ESR1: variants seen among roughly 807,000 people sequenced by gnomAD.
The protein encoded by ESR1 is estrogen receptor.
In ESR1, 12 loss-of-function variants were observed where a neutral mutation model predicts 52.7. That is an observed-to-expected ratio of 0.23 (90% CI 0.15 to 0.37). The LOEUF (loss-of-function observed/expected upper bound fraction) is 0.37, where lower values mean the gene tolerates loss of function less well. ESR1 is among the 10% of genes least tolerant of loss of function. The pLI, the probability that ESR1 is intolerant of heterozygous loss-of-function variation, is 1.00. For synonymous variants in ESR1, 305 were observed against 316.8 expected (o/e 0.96, Z 0.39); for missense variants, 584 against 779.7 (o/e 0.75, Z 2.99).
At position 152,019,521 on chromosome 6, in the gene ESR1, T is replaced by C. The variant is rs559892325; in HGVS notation, c.1235+7727T>C. Among the ~76,000 whole-genome samples the C allele has an allele frequency of 9.7e-4, 147 of 152,192 alleles. 1 individual carries two copies. The highest frequency in any genetic ancestry group is 2.3e-3 in the Admixed American group (35 of 15,274). Reference sequence around the variant, plus strand: ...AAGGATCCACTCAATGTAAAGTTACTCCAGAGGGAAAGGCGTGAGCCCAAC... The same window carrying C: ...AAGGATCCACTCAATGTAAAGTTACCCCAGAGGGAAAGGCGTGAGCCCAAC... On this transcript the variant is annotated intron_variant, in intron 5 of 7. Coordinates refer to ENST00000206249, the MANE Select transcript of ESR1 (RefSeq NM_000125.4).
At chr6:151,800,034 T>G (rs1449091968), upstream of ESR1, among the ~76,000 whole-genome samples, 1 of 152,144 alleles carries the variant, frequency 6.6e-6, no homozygotes, top group East Asian at 1.9e-4. Context: ...AGCTAGTACA[T>G]AGGAGGAGCT....
At chr6:152,029,268 G>A (rs2044451467) in intron 5 of ESR1, among the ~76,000 whole-genome samples, 1 of 152,230 alleles carries the variant, frequency 6.6e-6, no homozygotes, top group African/African-American at 2.4e-5. Context: ...CTCCTCACCA[G>A]CAACGGAACA....
At chr6:151,715,333 A>G (rs1370138244) in intron 2 of ESR1, among the ~76,000 whole-genome samples, 1 of 151,998 alleles carries the variant, frequency 6.6e-6, no homozygotes, top group Non-Finnish European at 1.5e-5. Context: ...GCTCTTCTCG[A>G]GAGTATCTTT....
At chr6:152,093,787 C>G (rs1050440337) in intron 6 of ESR1, among the ~76,000 whole-genome samples, 1 of 152,202 alleles carries the variant, frequency 6.6e-6, no homozygotes, top group Non-Finnish European at 1.5e-5. Context: ...AAACAGAAAT[C>G]CTACCTGGAA....
chr6:151,694,050 C>T (rs1421065240), intron 1 of ESR1, among the ~76,000 whole-genome samples: 2 of 152,196 alleles, frequency 1.3e-5, no homozygotes, highest in Non-Finnish European at 1.5e-5. Context: ...GCAGCTCTTA[C>T]TTTGTGCGAT....
intron 2 of ESR1, among the ~76,000 whole-genome samples, chr6:151,709,523 G>T (rs1204451687): frequency 1.3e-5 from 2 of 152,060 alleles, no homozygotes; most frequent in Non-Finnish European, 2.9e-5. Context: ...TGAGTCATTC[G>T]GTAATTGTAT....
intron 3 of ESR1, among the ~76,000 whole-genome samples, chr6:151,938,889 G>C (rs943585057): frequency 1.3e-5 from 2 of 152,196 alleles, no homozygotes; most frequent in Non-Finnish European, 2.9e-5. Context: ...CAGGATGAAA[G>C]AGAGCTTGGT....
chr6:151,676,690 C>T (rs1380488550), intron 1 of ESR1, among the ~76,000 whole-genome samples: 1 of 152,132 alleles, frequency 6.6e-6, no homozygotes, highest in Non-Finnish European at 1.5e-5. Context: ...CATTTAGCAC[C>T]CCTCATGGGA....
At chr6:152,036,228 C>T (rs1176864492) in intron 5 of ESR1, among the ~76,000 whole-genome samples, 5 of 152,036 alleles carry the variant, frequency 3.3e-5, no homozygotes, top group African/African-American at 4.8e-5. Context: ...GGCGTGGTGG[C>T]GGGTGCCTGT....
chr6:151,813,572 T>C (rs1200592564), intron 1 of ESR1: 1 of 149,042 alleles, frequency 6.7e-6, no homozygotes, highest in African/African-American at 2.6e-5. Flanking sequence ...ATATTACCAA[T>C]AATATTAGAA....
At chr6:152,113,914 G>A (rs987614507) in intron 6 of ESR1, among the ~76,000 whole-genome samples, 6 of 152,230 alleles carry the variant, frequency 3.9e-5, no homozygotes, top group African/African-American at 1.4e-4. Flanking sequence ...GGAAGTGGCT[G>A]AGCTGGGGAC....
chr6:151,985,759 C>T (rs13198061), intron 4 of ESR1, among the ~76,000 whole-genome samples: 21,700 of 151,950 alleles, frequency 0.14, 1,633 homozygotes, highest in African/African-American at 0.17. Flanking sequence ...CCTCCGCCTC[C>T]TGCGTTCAAG....
intron 4 of ESR1, among the ~76,000 whole-genome samples, chr6:151,945,558 ATTCG>A (rs1289878686): frequency 6.6e-6 from 1 of 152,168 alleles, no homozygotes; most frequent in East Asian, 1.9e-4. Flanking sequence ...GCCCCAGTGT[ATTCG>A]TTCAGGAGCT....
rs1183457950 is a variant in ESR1 at position 151,835,385 on chromosome 6, A to G, written c.453-7212A>G. On this transcript the variant is annotated intron_variant, in intron 1 of 7. Transcript: ENST00000206249. ...CACAAAGAGCAAATATCATCTGAGAATGGCAGAGGGCTGAGGGCAGAGCCC... is the reference window on the plus strand; with the variant it reads ...CACAAAGAGCAAATATCATCTGAGAGTGGCAGAGGGCTGAGGGCAGAGCCC... Among the ~76,000 whole-genome samples, 3 of 152,256 alleles carry G rather than the reference A, an allele frequency of 2.0e-5. 1 individual carries two copies. In the East Asian group the frequency reaches 5.8e-4, roughly 29 times the overall value.
intron 2 of ESR1, among the ~76,000 whole-genome samples, chr6:151,771,324 C>T (rs546468488): frequency 1.2e-4 from 19 of 152,146 alleles, no homozygotes; most frequent in Non-Finnish European, 1.9e-4. Context: ...AAATTGGGCA[C>T]TTGGAGGCAA....
intron 2 of ESR1, among the ~76,000 whole-genome samples, chr6:151,717,842 GC>G (rs1407215456): frequency 2.6e-5 from 4 of 152,158 alleles, no homozygotes; most frequent in Non-Finnish European, 5.9e-5. Context: ...GAATAATTGT[GC>G]TTTGAAAAGT....
At chr6:151,930,126 G>A (rs1396352236) in intron 3 of ESR1, among the ~76,000 whole-genome samples, 1 of 148,174 alleles carries the variant, frequency 6.7e-6, no homozygotes, top group African/African-American at 2.5e-5. Flanking sequence ...TGGAATTACA[G>A]GCATGTGCCA....
chr6:151,670,615 G>C (rs75770678), intron 1 of ESR1, among the ~76,000 whole-genome samples: 9,506 of 152,220 alleles, frequency 0.062, 681 homozygotes, highest in East Asian at 0.36. Flanking sequence ...AGACAGTCTT[G>C]CTCTGTCACC....
At chr6:152,029,045 C>G (rs981510961) in intron 5 of ESR1, among the ~76,000 whole-genome samples, 7 of 152,200 alleles carry the variant, frequency 4.6e-5, no homozygotes, top group Admixed American at 6.5e-5. Flanking sequence ...TGGAGTGGAC[C>G]TCCAGCAAAC....
Sources: allele counts gnomAD v4.1 joint callset (sites outside exome capture counted in the v4.1 genomes callset), GRCh38; gene constraint gnomAD v4.1.1; transcripts MANE v1.5; gene names NCBI Gene and HGNC (gene_info 2026-07-23, HGNC 2026-07-21).